Variants in CHD1L observed in about 807,000 individuals in gnomAD.
CHD1L encodes chromodomain helicase DNA binding protein 1 like, also known as ATP-dependent chromatin remodeler CHD1L.
CHD1L carries 118 observed loss-of-function variants against 115.9 expected under a neutral mutation model. The observed-to-expected ratio is 1.02, with a 90% CI of 0.88 to 1.19. The LOEUF is 1.19. Among genes scored for constraint, CHD1L ranks in the 50% most tolerant of loss-of-function variants. The pLI is 0.00. For synonymous variants in CHD1L, 411 were observed against 387.1 expected, an observed-to-expected ratio of 1.06 and a Z score of -0.72; for missense variants, 1,179 against 1,065.3, an observed-to-expected ratio of 1.11 and a Z score of -1.49.
At chr1:147,203,369 C>A in the CHD1L span, 1 of 1,155,988 alleles carries the variant, frequency 8.7e-7, no homozygotes, top group African/African-American at 1.5e-5. Context: ...ACTCTAAGTA[C>A]AGTGACTGCA....
At chr1:147,226,452 T>G in the CHD1L span, among the ~76,000 whole-genome samples, 1 of 152,196 alleles carries the variant, frequency 6.6e-6, no homozygotes, top group Non-Finnish European at 1.5e-5. Flanking sequence ...TTTTTAATAG[T>G]GCTTTCACAC....
the CHD1L span, chr1:147,190,319 C>T: frequency 1.0e-6 from 1 of 977,988 alleles, no homozygotes; most frequent in Non-Finnish European, 1.6e-6. Context: ...TAAACAATTA[C>T]TATGCTATGG....
At chr1:147,221,296 G>T in the CHD1L span, among the ~76,000 whole-genome samples, 1 of 152,134 alleles carries the variant, frequency 6.6e-6, no homozygotes, top group Non-Finnish European at 1.5e-5. Flanking sequence ...TAATAATAAT[G>T]TATCAATATT....
At chr1:147,257,958 T>TAAG (rs1458556889) in intron 5 of CHD1L, among the ~76,000 whole-genome samples, 1 of 152,172 alleles carries the variant, frequency 6.6e-6, no homozygotes, top group Non-Finnish European at 1.5e-5. Flanking sequence ...TTTAAAAACC[T>TAAG]AAGTAACAGA....
At chr1:147,272,348 G>T in intron 12 of CHD1L, 67 bp downstream of exon 12, 1 of 1,090,632 alleles carries the variant, frequency 9.2e-7, no homozygotes, top group Non-Finnish European at 1.4e-6. Flanking sequence ...ACATCCCAAC[G>T]GTTAGTACAC....
chr1:147,224,634 C>T, the CHD1L span, among the ~76,000 whole-genome samples: 1 of 152,022 alleles, frequency 6.6e-6, no homozygotes, highest in Non-Finnish European at 1.5e-5. Context: ...CTTAGCCTCC[C>T]GAGTAGCTGG....
chr1:147,198,586 C>T, the CHD1L span, among the ~76,000 whole-genome samples: 1 of 151,756 alleles, frequency 6.6e-6, no homozygotes, highest in Non-Finnish European at 1.5e-5. Flanking sequence ...TACAGTGACT[C>T]ATGCCTGTAA....
At chr1:147,256,593 G>A in intron 5 of CHD1L, 31 bp downstream of exon 5, 2 of 1,598,228 alleles carry the variant, frequency 1.3e-6, no homozygotes, top group South Asian at 1.1e-5. Context: ...AAGAACTTGG[G>A]TTGAATGTAT....
the CHD1L span, among the ~76,000 whole-genome samples, chr1:147,234,284 GT>G: frequency 3.3e-5 from 5 of 152,116 alleles, no homozygotes; most frequent in African/African-American, 7.2e-5. Context: ...TCAAACTGTG[GT>G]TTTCTCAATC....
intron 19 of CHD1L, among the ~76,000 whole-genome samples, chr1:147,289,336 T>C (rs587726634): frequency 1.4e-4 from 21 of 152,240 alleles, no homozygotes; most frequent in African/African-American, 4.8e-4. Flanking sequence ...ACAGAAGGAA[T>C]TGTCAGACAA....
chr1:147,197,546 T>C, the CHD1L span, among the ~76,000 whole-genome samples: 1 of 152,118 alleles, frequency 6.6e-6, no homozygotes, highest in East Asian at 1.9e-4. Flanking sequence ...CTGCTCATGC[T>C]GTTCTCATGA....
Position 147,252,695 on chromosome 1 carries a change from G to A in CHD1L, c.200G>A (p.Cys67Tyr), listed in dbSNP as rs782470880. 1.9e-6 allele frequency: 3 copies of A among 1,613,994 alleles called. No homozygotes were observed. The highest frequency in any genetic ancestry group is 1.7e-5 in the Admixed American group (1 of 60,012). Residue 67 changes from cysteine to tyrosine, a missense_variant, in exon 2 of 23, where the codon TGT (cysteine) becomes TAT (tyrosine). Physicochemically the swap from Cys to Tyr is radical, Grantham distance 194. Transcript: ENST00000369258. ...CAGCGCTTCCATTGTCAGAATGGCT[G>A]TATCCTGGGAGATGAGATGGGCCTG... is the stretch of plus-strand genomic sequence containing the variant. ...LAQRFHCQNG[C>Y]ILGDEMGLGK...
chr1:147,173,223 C>G, the CHD1L span: 1 of 155,722 alleles, frequency 6.4e-6, no homozygotes, highest in African/African-American at 2.4e-5. Flanking sequence ...ATCGCTTGAA[C>G]CCGGGAGGCG....
At chr1:147,208,762 G>C in the CHD1L span, 31 of 1,057,124 alleles carry the variant, frequency 2.9e-5, no homozygotes, top group South Asian at 2.0e-4. Flanking sequence ...TTAATGTATG[G>C]GTAGAGGTGG....
In CHD1L at chr1:147,277,374, ACAG is replaced by A. The variant is rs370777511; in HGVS notation, c.1539+1121_1539+1123del. On this transcript the variant is annotated intron_variant, in intron 14 of 22. Transcript: ENST00000369258. ...CTAAGTTTGTAATTAGTCTGAAAAAACAGCAGTTTTCTTACATGGTTACCGTAT... is the reference window on the plus strand; with the variant it reads ...CTAAGTTTGTAATTAGTCTGAAAAAACAGTTTTCTTACATGGTTACCGTAT... Among the ~76,000 whole-genome samples the A allele has an allele frequency of 4.7e-3, 714 of 152,308 alleles. 10 individuals are homozygous for A. Among genetic ancestry groups the A allele is most frequent in the African/African-American group, 0.016 (672 of 41,558 alleles).
At chr1:147,244,779 C>A (rs1666057175) in intron 1 of CHD1L, among the ~76,000 whole-genome samples, 1 of 117,210 alleles carries the variant, frequency 8.5e-6, no homozygotes, top group Non-Finnish European at 1.7e-5. Context: ...TTTAGACAGT[C>A]CCTCTTCTTG....
At chr1:147,244,703 A>G (rs587730936) in intron 1 of CHD1L, among the ~76,000 whole-genome samples, 79 of 151,880 alleles carry the variant, frequency 5.2e-4, no homozygotes, top group African/African-American at 1.9e-3. Flanking sequence ...TTTTTTCCTT[A>G]TCATTCAGTC....
chr1:147,204,876 C>T, the CHD1L span: 9 of 1,592,040 alleles, frequency 5.7e-6, no homozygotes, highest in South Asian at 2.2e-5. Flanking sequence ...AAAAGTGTTT[C>T]GCTCCCTCCT....
chr1:147,192,056 T>C, the CHD1L span, among the ~76,000 whole-genome samples: 1 of 152,150 alleles, frequency 6.6e-6, no homozygotes, highest in Non-Finnish European at 1.5e-5. Context: ...AGAAAGTCAT[T>C]GGTCACTTGA....
Sources: allele counts gnomAD v4.1 joint callset (sites outside exome capture counted in the v4.1 genomes callset), GRCh38; gene constraint gnomAD v4.1.1; transcripts MANE v1.5; gene names NCBI Gene and HGNC (gene_info 2026-07-23, HGNC 2026-07-21).